MTHFD2L: variants seen among roughly 807,000 people sequenced by gnomAD.
MTHFD2L encodes the protein bifunctional methylenetetrahydrofolate dehydrogenase/cyclohydrolase 2, mitochondrial.
MTHFD2L carries 29 observed loss-of-function variants against 34.9 expected under a neutral mutation model. The observed-to-expected ratio is 0.83, with a 90% CI of 0.62 to 1.13. The LOEUF is 1.13. Among genes scored for constraint, MTHFD2L ranks in the 50% most tolerant of loss-of-function variants. The pLI, the probability that MTHFD2L is intolerant of heterozygous loss-of-function variation, is 0.00. For synonymous variants in MTHFD2L, 167 were observed against 155.7 expected, an observed-to-expected ratio of 1.07 and a Z score of -0.54; for missense variants, 481 against 446.5, an observed-to-expected ratio of 1.08 and a Z score of -0.70.
At chr4:74,232,553 A>G (rs978369428) in intron 6 of MTHFD2L, among the ~76,000 whole-genome samples, 31 of 152,076 alleles carry the variant, frequency 2.0e-4, no homozygotes, top group African/African-American at 7.0e-4. Flanking sequence ...AGCTTTGTCA[A>G]TACCTGAGAG....
intron 2 of MTHFD2L, among the ~76,000 whole-genome samples, chr4:74,117,936 C>T (rs1182446676): frequency 6.6e-6 from 1 of 152,218 alleles, no homozygotes; most frequent in African/African-American, 2.4e-5. Flanking sequence ...CTGCTGACTA[C>T]ATTTTACTTG....
chr4:74,120,866 T>C (rs1721742844), upstream of MTHFD2L, among the ~76,000 whole-genome samples: 1 of 152,176 alleles, frequency 6.6e-6, no homozygotes, highest in African/African-American at 2.4e-5. Context: ...TGGCAGCACA[T>C]TTCAGTGACA....
rs1299833119 is a variant in MTHFD2L, at chr4:74,281,522, A to C, written c.903A>C (p.Thr301=). The change falls in exon 7 of 8, where the codon ACA becomes ACC. Residue 301 remains threonine, a synonymous_variant. Coordinates refer to ENST00000325278, the MANE Select transcript of MTHFD2L (RefSeq NM_001144978.3). ...TCCACGATCCAGTGACAGGAAAGAC[A>C]AAATTAGTTGGAGATGTGGACTTCG... is the stretch of plus-strand genomic sequence containing the variant. ...NYVHDPVTGK[T]KLVGDVDFEA... 2.5e-6 allele frequency: 4 copies of C among 1,612,450 alleles called. No homozygotes were observed. Among genetic ancestry groups the C allele is most frequent in the Non-Finnish European group, 3.4e-6 (4 of 1,179,126 alleles).
At chr4:74,283,915 A>G (rs181205951) in intron 7 of MTHFD2L, among the ~76,000 whole-genome samples, 16 of 152,204 alleles carry the variant, frequency 1.1e-4, no homozygotes, top group Admixed American at 8.5e-4. Context: ...TGATCCCCCA[A>G]CTGAGAGGGA....
At chr4:74,300,714 T>C (rs756005669) in intron 7 of MTHFD2L, among the ~76,000 whole-genome samples, 5 of 152,090 alleles carry the variant, frequency 3.3e-5, no homozygotes, top group African/African-American at 1.2e-4. Context: ...CTGAGAGTTA[T>C]CTGCCATTTT....
chr4:74,210,336 G>A lies in MTHFD2L; in HGVS notation c.712+8966G>A, dbSNP rs533868624. Among the ~76,000 whole-genome samples the A allele has an allele frequency of 7.9e-5, 12 of 152,264 alleles. No homozygotes were observed. In the South Asian group the frequency reaches 2.5e-3, roughly 32 times the overall value. On this transcript the variant is annotated intron_variant, in intron 5 of 7. Transcript: ENST00000325278. ...TTATGGTTTTAGGCCTTTTGTTTAAGGCTTTAATCCATCTTGAGTTAATTT... is the reference window on the plus strand; with the variant it reads ...TTATGGTTTTAGGCCTTTTGTTTAAAGCTTTAATCCATCTTGAGTTAATTT...
chr4:74,289,655 T>A (rs1026688424), intron 7 of MTHFD2L, among the ~76,000 whole-genome samples: 1 of 152,162 alleles, frequency 6.6e-6, no homozygotes, highest in Non-Finnish European at 1.5e-5. Flanking sequence ...CTATTGTAAT[T>A]ATCCAAGTAA....
intron 3 of MTHFD2L, chr4:74,183,615 GGACTCC>G (rs1359116918): frequency 6.6e-6 from 1 of 151,950 alleles, no homozygotes; most frequent in East Asian, 1.9e-4. Flanking sequence ...TCATGCCACT[GGACTCC>G]AGCCTGGGCA....
intron 6 of MTHFD2L, among the ~76,000 whole-genome samples, chr4:74,248,888 G>A (rs1165295767): frequency 2.7e-5 from 4 of 150,362 alleles, no homozygotes; most frequent in African/African-American, 7.3e-5. Flanking sequence ...GCTGAGGAGA[G>A]CTTTACTTCC....
chr4:74,276,281 C>G (rs994357472), intron 6 of MTHFD2L, among the ~76,000 whole-genome samples: 13 of 152,028 alleles, frequency 8.6e-5, no homozygotes, highest in Admixed American at 2.0e-4. Context: ...TCTTTCTGAG[C>G]AAGAGTTTCC....
At chr4:74,278,472 A>C (rs1027908222) in intron 6 of MTHFD2L, among the ~76,000 whole-genome samples, 2 of 152,108 alleles carry the variant, frequency 1.3e-5, no homozygotes, top group Admixed American at 1.3e-4. Context: ...TATGTTAAAA[A>C]ACAAAACAAA....
intron 6 of MTHFD2L, among the ~76,000 whole-genome samples, chr4:74,228,620 C>A (rs1009704554): frequency 4.6e-5 from 7 of 152,174 alleles, no homozygotes; most frequent in African/African-American, 1.7e-4. Context: ...GTAACTAAGT[C>A]AAAGCTTATG....
intron 3 of MTHFD2L, among the ~76,000 whole-genome samples, chr4:74,185,661 A>G (rs1224688948): frequency 2.0e-5 from 3 of 152,072 alleles, no homozygotes; most frequent in Admixed American, 6.5e-5. Context: ...ACATTATCCC[A>G]ATTTGACAAG....
chr4:74,185,947 T>G (rs1217029835), intron 3 of MTHFD2L, among the ~76,000 whole-genome samples: 2 of 152,116 alleles, frequency 1.3e-5, no homozygotes, highest in Non-Finnish European at 2.9e-5. Context: ...GAATTATGAG[T>G]CGGTATCCTT....
At position 74,302,623 on chromosome 4, in the gene MTHFD2L, G is replaced by A. The variant is rs1164184668; in HGVS notation, c.*814G>A. 6.6e-6 allele frequency: 1 copy of A among 152,026 alleles called. No homozygotes were observed. The highest frequency in any genetic ancestry group is 1.5e-5 in the Non-Finnish European group (1 of 67,964). The allele number at this position is 152,026 out of a possible 1,614,324, so 9.4% of individuals were successfully genotyped here. A position where few individuals can be genotyped will look rare whatever the true frequency, so the allele number is the denominator to read the frequency against. ...CAATAGTGGAAAAATAAAAAAATAA[G>A]TAAACAGAAAAAACTAAAGTTGTAT... On this transcript the variant is annotated 3_prime_UTR_variant, in exon 8 of 8. Coordinates refer to ENST00000325278, the MANE Select transcript of MTHFD2L (RefSeq NM_001144978.3).
rs369288360 is a variant in MTHFD2L at position 74,174,600 on chromosome 4, A to G, written c.238A>G (p.Arg80Gly). ...GVESWVSLGN[R>G]RPHLSIILVG... ...GGAATCATGGGTTTCCCTTGGAAAC[A>G]GAAGACCTCACCTCAGTATAATTTT... The change falls in exon 2 of 8, where the codon AGA becomes GGA. Residue 80 changes from arginine to glycine, a missense_variant. Coordinates refer to ENST00000325278, the MANE Select transcript of MTHFD2L (RefSeq NM_001144978.3). The G allele has an allele frequency of 1.9e-5, 30 of 1,608,262 alleles. No homozygotes were observed. Among genetic ancestry groups the G allele is most frequent in the African/African-American group, 1.5e-4 (11 of 74,602 alleles).
chr4:74,278,272 A>G (rs944805344), intron 6 of MTHFD2L, among the ~76,000 whole-genome samples: 1 of 152,086 alleles, frequency 6.6e-6, no homozygotes, highest in Non-Finnish European at 1.5e-5. Flanking sequence ...AAAATATTAC[A>G]TCCTTGTATC....
At chr4:74,257,993 A>T (rs1744238516) in intron 6 of MTHFD2L, among the ~76,000 whole-genome samples, 1 of 152,120 alleles carries the variant, frequency 6.6e-6, no homozygotes, top group African/African-American at 2.4e-5. Flanking sequence ...AAAGCTCGAC[A>T]TCAGTAATCA....
chr4:74,298,270 T>G (rs1034224876), intron 7 of MTHFD2L, among the ~76,000 whole-genome samples: 7 of 152,086 alleles, frequency 4.6e-5, no homozygotes, highest in African/African-American at 1.7e-4. Context: ...TTGATGCTAC[T>G]AAATGTTTAT....
Sources: allele counts gnomAD v4.1 joint callset (sites outside exome capture counted in the v4.1 genomes callset), GRCh38; gene constraint gnomAD v4.1.1; transcripts MANE v1.5; gene names NCBI Gene and HGNC (gene_info 2026-07-23, HGNC 2026-07-21).